The following USP28 variants were observed in gnomAD, a reference collection of about 807,000 sequenced individuals.
The protein encoded by USP28 is ubiquitin specific peptidase 28.
A neutral mutation model predicts 145.0 loss-of-function variants in USP28; 113 were observed. The observed-to-expected ratio is 0.78, with a 90% CI of 0.67 to 0.91. The LOEUF (loss-of-function observed/expected upper bound fraction) is 0.91. Among genes scored for constraint, USP28 ranks in the 40% least tolerant of loss-of-function variants. USP28 has a pLI of 0.00. For missense variants in USP28, 1,201 were observed against 1,289.6 expected (o/e 0.93, Z 1.05); for synonymous variants, 447 against 450.9 (o/e 0.99, Z 0.11).
At chr11:113,823,772 G>C (rs1942975179) in intron 11 of USP28, 72 bp from the exon 12 acceptor site, 1 of 1,275,156 alleles carries the variant, frequency 7.8e-7, no homozygotes, top group African/African-American at 1.5e-5. Flanking sequence ...GTAAACTAAA[G>C]ATTCAAGGAA....
In USP28 at chr11:113,839,341, T is replaced by C. The variant is rs184680743; in HGVS notation, c.534+1257A>G. On this transcript the variant is annotated intron_variant, in intron 5 of 24. Coordinates refer to ENST00000003302, the Ensembl canonical transcript of USP28. ...GGCTCAGGCCTGTAATCCCAGCACTTTGGAAGGCCAAAGCAGGTGGATCAC... is the reference window on the plus strand; with the variant it reads ...GGCTCAGGCCTGTAATCCCAGCACTCTGGAAGGCCAAAGCAGGTGGATCAC... 9.7e-4 allele frequency among the ~76,000 whole-genome samples: 148 copies of C among 152,268 alleles called. 3 individuals are homozygous for C. The East Asian group carries it at 0.018, about 19-fold the overall frequency.
intron 15 of USP28, chr11:113,813,657 C>T: frequency 4.2e-6 from 2 of 481,868 alleles, no homozygotes; most frequent in Non-Finnish European, 7.2e-6. Context: ...GAAAAAATTC[C>T]ATGTGGCAGA....
chr11:113,799,498 C>G, intron 24 of USP28, 83 bp from the exon 26 acceptor site: 2 of 1,451,100 alleles, frequency 1.4e-6, no homozygotes, highest in South Asian at 2.7e-5. Flanking sequence ...TAGCCCCTTA[C>G]CTAACCTCAA....
At chr11:113,870,251 G>T (rs2137149665) in intron 1 of USP28, among the ~76,000 whole-genome samples, 1 of 152,278 alleles carries the variant, frequency 6.6e-6, no homozygotes, top group African/African-American at 2.4e-5. Context: ...AGGGGGCCAG[G>T]TGTGGTGGCT....
In USP28 at chr11:113,841,643, T is replaced by C; in HGVS notation, c.374+20A>G. On this transcript the variant is annotated intron_variant, in intron 4 of 24. Coordinates refer to ENST00000003302, the Ensembl canonical transcript of USP28. Reference sequence around the variant, plus strand: ...TACACACAAATGTGGGGGGCAAGAATTATAAGTTAAATCAATAACCTGTTA... The same window carrying C: ...TACACACAAATGTGGGGGGCAAGAACTATAAGTTAAATCAATAACCTGTTA... The C allele has an allele frequency of 6.5e-7, 1 of 1,545,704 alleles. No homozygotes were observed. The highest frequency in any genetic ancestry group is 1.7e-4 in the Middle Eastern group (1 of 5,886).
chr11:113,875,457 G>A lies in USP28; in HGVS notation c.45C>T (p.Asp15=), dbSNP rs1256460066. The stretch of plus-strand genomic sequence containing the variant: ...CCGCGGAGCCCACCGAGCCGTGGCC[G>A]TCTGCCGCGCCGGCCGCGTCGTCCT... The change falls in exon 1 of 25, where the codon GAC becomes GAT. Residue 15 remains aspartate, a synonymous_variant. Coordinates refer to ENST00000003302, the Ensembl canonical transcript of USP28. 4.8e-6 allele frequency: 6 copies of A among 1,245,030 alleles called. No homozygotes were observed. In the South Asian group the frequency reaches 9.4e-5, roughly 20 times the overall value. The allele number at this position is 1,245,030 out of a possible 1,614,324, so 77.1% of individuals were successfully genotyped here.
At chr11:113,874,141 GAAAAAA>G (rs552125095) in intron 1 of USP28, among the ~76,000 whole-genome samples, 5 of 83,438 alleles carry the variant, frequency 6.0e-5, no homozygotes, top group Admixed American at 1.5e-4. Flanking sequence ...ACTCCGTCTG[GAAAAAA>G]AAAAAAAAAA....
At chr11:113,826,261 C>A (rs187577401) in intron 11 of USP28, among the ~76,000 whole-genome samples, 2 of 91,708 alleles carry the variant, frequency 2.2e-5, no homozygotes, top group Admixed American at 1.5e-4. Context: ...CCAGCCTGGG[C>A]AACAGAGCAA....
chr11:113,843,501 C>G (rs987465604), intron 3 of USP28, among the ~76,000 whole-genome samples: 8 of 151,514 alleles, frequency 5.3e-5, no homozygotes, highest in South Asian at 2.1e-4. Context: ...GATAAACCCC[C>G]TCTCTACTTA....
intron 11 of USP28, among the ~76,000 whole-genome samples, chr11:113,824,375 C>T (rs2428018): frequency 0.8 from 121,071 of 151,862 alleles, 48,483 homozygotes; most frequent in East Asian, 0.89. Flanking sequence ...TGGAGTGCAA[C>T]GGCGCAATCT....
chr11:113,811,550 TG>T (rs1940985534), intron 16 of USP28, among the ~76,000 whole-genome samples: 1 of 152,138 alleles, frequency 6.6e-6, no homozygotes, highest in South Asian at 2.1e-4. Context: ...CAGCTGGGCA[TG>T]GTGGTGGGCA....
intron 1 of USP28, among the ~76,000 whole-genome samples, chr11:113,866,495 A>G (rs1320326638): frequency 6.6e-6 from 1 of 152,242 alleles, no homozygotes; most frequent in African/African-American, 2.4e-5. Context: ...ACTTAAAAAG[A>G]TATTTCTCCA....
rs188696625 is a variant in USP28, at chr11:113,855,934, C to T, written c.58-1599G>A. Among the ~76,000 whole-genome samples the T allele has an allele frequency of 2.0e-4, 30 of 152,054 alleles. 1 individual carries two copies. Among genetic ancestry groups the T allele is most frequent in the Admixed American group, 1.8e-3 (27 of 15,242 alleles). On this transcript the variant is annotated intron_variant, in intron 1 of 24. Coordinates refer to ENST00000003302, the Ensembl canonical transcript of USP28. Reference sequence around the variant, plus strand: ...TCTCAATAAATAAATAAATAAAGTCCTCAAAGAAGCACCAACAGTCGTTCT... The same window carrying T: ...TCTCAATAAATAAATAAATAAAGTCTTCAAAGAAGCACCAACAGTCGTTCT...
At chr11:113,852,301 T>A (rs1405856546) in intron 3 of USP28, among the ~76,000 whole-genome samples, 200 bp downstream of exon 3, 3 of 152,240 alleles carry the variant, frequency 2.0e-5, no homozygotes, top group Admixed American at 6.5e-5. Context: ...GTGCTGGGAT[T>A]ACAGGCATGA....
At chr11:113,816,524 A>T (rs1013539808) in intron 13 of USP28, among the ~76,000 whole-genome samples, 1 of 152,052 alleles carries the variant, frequency 6.6e-6, no homozygotes, top group East Asian at 1.9e-4. Flanking sequence ...AAAAACAAAC[A>T]AACAAACAAA....
At chr11:113,854,408 T>A in intron 1 of USP28, 73 bp from the exon 2 acceptor site, 1 of 1,430,096 alleles carries the variant, frequency 7.0e-7, no homozygotes, top group Non-Finnish European at 9.8e-7. Context: ...AAAGAATAAC[T>A]AAAAGCATCT....
chr11:113,870,247 C>T (rs1948684555), intron 1 of USP28, among the ~76,000 whole-genome samples: 1 of 151,802 alleles, frequency 6.6e-6, no homozygotes, highest in Admixed American at 6.5e-5. Context: ...TATGAGGGGG[C>T]CAGGTGTGGT....
At chr11:113,820,620 CAG>C (rs997598024) in intron 12 of USP28, among the ~76,000 whole-genome samples, 6 of 152,192 alleles carry the variant, frequency 3.9e-5, no homozygotes, top group African/African-American at 1.4e-4. Flanking sequence ...GTAAAAGACA[CAG>C]GGCTGGTTCT....
intron 1 of USP28, among the ~76,000 whole-genome samples, chr11:113,872,011 A>C (rs11214751): frequency 0.012 from 1,762 of 152,328 alleles, 35 homozygotes; most frequent in African/African-American, 0.039. Flanking sequence ...CTTCTCATAG[A>C]AACTTCATGG....
Sources: allele counts gnomAD v4.1 joint callset (sites outside exome capture counted in the v4.1 genomes callset), GRCh38; gene constraint gnomAD v4.1.1; transcripts MANE v1.5; gene names NCBI Gene and HGNC (gene_info 2026-07-23, HGNC 2026-07-21).